The following TEAD1 variants were observed in gnomAD, a reference collection of about 807,000 sequenced individuals.
TEAD1 encodes transcriptional enhancer factor TEF-1.
Under a neutral mutation model 54.9 loss-of-function variants are expected in TEAD1, and 9 were observed. That is an observed-to-expected ratio of 0.16 (90% CI 0.10 to 0.29). The LOEUF (loss-of-function observed/expected upper bound fraction) is 0.29, where lower values mean the gene tolerates loss of function less well. TEAD1 is among the 10% of genes least tolerant of loss of function. The probability of loss-of-function intolerance (pLI) is 1.00; values close to 1 mark genes in which losing one functional copy is unlikely to be tolerated. For missense variants in TEAD1, 387 were observed against 535.9 expected, an observed-to-expected ratio of 0.72 and a Z score of 2.74; for synonymous variants, 200 against 187.8, an observed-to-expected ratio of 1.07 and a Z score of -0.53.
intron 2 of TEAD1, among the ~76,000 whole-genome samples, chr11:12,759,279 G>A (rs528781865): frequency 1.3e-5 from 2 of 152,106 alleles, no homozygotes; most frequent in South Asian, 2.1e-4. Context: ...GTCTTATCCC[G>A]GTCATCCCCC....
intron 2 of TEAD1, among the ~76,000 whole-genome samples, chr11:12,683,074 T>C (rs929551394): frequency 6.6e-6 from 1 of 152,222 alleles, no homozygotes; most frequent in African/African-American, 2.4e-5. Flanking sequence ...AGGGTGGTAG[T>C]GTATGGACAC....
chr11:12,880,213 CCT>C (rs1376967616), intron 6 of TEAD1, among the ~76,000 whole-genome samples: 6 of 152,118 alleles, frequency 3.9e-5, no homozygotes, highest in African/African-American at 1.4e-4. Flanking sequence ...GGTCTCTGTC[CCT>C]CTGTCTTCAG....
At chr11:12,768,786 A>G (rs1401304105) in intron 3 of TEAD1, among the ~76,000 whole-genome samples, 1 of 152,186 alleles carries the variant, frequency 6.6e-6, no homozygotes, top group Admixed American at 6.5e-5. Context: ...AGCTATCTCA[A>G]GTTCATTTGC....
At chr11:12,924,265 TC>T (rs948652123) in intron 10 of TEAD1, among the ~76,000 whole-genome samples, 10 of 150,882 alleles carry the variant, frequency 6.6e-5, no homozygotes, top group African/African-American at 2.5e-4. Context: ...TTGCTGCAAC[TC>T]TAAGTATCTC....
chr11:12,677,453 A>G (rs1943121993), intron 2 of TEAD1, among the ~76,000 whole-genome samples: 1 of 152,164 alleles, frequency 6.6e-6, no homozygotes, highest in Admixed American at 6.5e-5. Context: ...ATATATTAGT[A>G]TACTCACTTG....
chr11:12,844,220 G>T (rs907378543), intron 3 of TEAD1, among the ~76,000 whole-genome samples: 4 of 152,036 alleles, frequency 2.6e-5, no homozygotes, highest in African/African-American at 9.7e-5. Flanking sequence ...CTTTATGGTA[G>T]TGCCGCCATT....
intron 10 of TEAD1, among the ~76,000 whole-genome samples, chr11:12,916,254 A>C (rs1948710602): frequency 6.6e-6 from 1 of 152,194 alleles, no homozygotes; most frequent in Non-Finnish European, 1.5e-5. Context: ...GACCCGTCAT[A>C]AACACAAATC....
intron 5 of TEAD1, chr11:12,878,964 A>C (rs1355820859): frequency 9.8e-6 from 12 of 1,222,348 alleles, no homozygotes; most frequent in Non-Finnish European, 1.1e-6. Flanking sequence ...TTTTTTGGCT[A>C]GCTTTGTGTT....
intron 5 of TEAD1, among the ~76,000 whole-genome samples, chr11:12,868,005 C>T (rs142712953): frequency 2.7e-3 from 407 of 152,250 alleles, no homozygotes; most frequent in African/African-American, 9.3e-3. Flanking sequence ...CAAACTCAGA[C>T]GTCGAAGGGG....
At chr11:12,690,246 A>G in intron 2 of TEAD1, among the ~76,000 whole-genome samples, 1 of 150,780 alleles carries the variant, frequency 6.6e-6, no homozygotes, top group African/African-American at 2.5e-5. Context: ...CGTCTCAAAA[A>G]AAAAAAAAAA....
chr11:12,774,222 C>T (rs764597443), intron 3 of TEAD1, among the ~76,000 whole-genome samples: 6 of 152,082 alleles, frequency 3.9e-5, no homozygotes, highest in Non-Finnish European at 7.4e-5. Context: ...GGATGAGTTT[C>T]GAGGTGTGGC....
At chr11:12,895,458 G>A (rs1185772482) in intron 9 of TEAD1, among the ~76,000 whole-genome samples, 7 of 152,118 alleles carry the variant, frequency 4.6e-5, no homozygotes, top group Non-Finnish European at 7.3e-5. Context: ...GCAGACAAGC[G>A]TCCCAGCTCC....
intron 2 of TEAD1, among the ~76,000 whole-genome samples, chr11:12,744,148 A>G (rs1944701130): frequency 6.6e-6 from 1 of 152,148 alleles, no homozygotes; most frequent in Non-Finnish European, 1.5e-5. Flanking sequence ...GTCACATTAG[A>G]ATTTAGGGCT....
At chr11:12,793,604 C>G (rs1346051978) in intron 3 of TEAD1, among the ~76,000 whole-genome samples, 4 of 152,128 alleles carry the variant, frequency 2.6e-5, no homozygotes, top group Admixed American at 6.5e-5. Flanking sequence ...ACTGTTTTCA[C>G]TTTTGTTGCA....
intron 2 of TEAD1, among the ~76,000 whole-genome samples, chr11:12,704,609 C>T (rs928932834): frequency 2.0e-5 from 3 of 152,246 alleles, no homozygotes; most frequent in Non-Finnish European, 2.9e-5. Context: ...GTCCTCCATA[C>T]TGCTGCTCTG....
chr11:12,850,267 C>G (rs1394472575), intron 3 of TEAD1, among the ~76,000 whole-genome samples: 1 of 152,112 alleles, frequency 6.6e-6, no homozygotes, highest in Non-Finnish European at 1.5e-5. Context: ...GAAACTCTGT[C>G]TCTACTAAAT....
intron 3 of TEAD1, among the ~76,000 whole-genome samples, chr11:12,779,569 C>T (rs1945503050): frequency 6.6e-6 from 1 of 152,198 alleles, no homozygotes; most frequent in Non-Finnish European, 1.5e-5. Flanking sequence ...CATTAAAATA[C>T]TTAGAATACC....
At position 12,864,839 on chromosome 11, in the gene TEAD1, T is replaced by G; in HGVS notation, c.269T>G (p.Val90Gly). The change falls in exon 5 of 13, where the codon GTG becomes GGG. Residue 90 changes from valine to glycine, a missense_variant and splice_region_variant. By Grantham distance (109) the Val-to-Gly change is moderately radical. Around this residue, in one of 5 missense-constraint regions of TEAD1, gnomAD observed 22 missense variants for 43.2 expected, o/e 0.51. Transcript: ENST00000527636. Reference sequence around the variant, plus strand: ...TTCCTCCCTTCCCCTACCCTGCAGGTGTCTAGTCACATTCAGGTTCTTGCC... The same window carrying G: ...TTCCTCCCTTCCCCTACCCTGCAGGGGTCTAGTCACATTCAGGTTCTTGCC... The G allele has an allele frequency of 6.2e-7, 1 of 1,613,920 alleles. No homozygotes were observed. The highest frequency in any genetic ancestry group is 8.5e-7 in the Non-Finnish European group (1 of 1,179,912).
intron 5 of TEAD1, among the ~76,000 whole-genome samples, chr11:12,876,788 A>C (rs975122476): frequency 1.3e-5 from 2 of 152,162 alleles, no homozygotes; most frequent in African/African-American, 4.8e-5. Flanking sequence ...GTCTAAGAGA[A>C]ACCAATGGAT....
Sources: allele counts gnomAD v4.1 joint callset (sites outside exome capture counted in the v4.1 genomes callset), GRCh38; gene constraint gnomAD v4.1.1; regional missense constraint gnomAD v4.1.1; transcripts MANE v1.5; gene names NCBI Gene and HGNC (gene_info 2026-07-23, HGNC 2026-07-21).